CNTN5: variants seen among roughly 807,000 people sequenced by gnomAD.
CNTN5 encodes contactin-5.
In CNTN5, 77 loss-of-function variants were observed where a neutral mutation model predicts 129.1. The ratio of observed to expected loss-of-function variants is 0.60; its 90% CI spans 0.50 to 0.72. The LOEUF is 0.72. Ranked by LOEUF, CNTN5 falls within the 30% of genes least tolerant of loss-of-function variation. The pLI is 0.00. For missense variants in CNTN5, 1,478 were observed against 1,328.8 expected (o/e 1.11, Z -1.75); for synonymous variants, 509 against 465.6 (o/e 1.09, Z -1.20).
rs187114644 is a variant in CNTN5 at position 99,442,272 on chromosome 11, C to T, written c.-70-113873C>T. Among the ~76,000 whole-genome samples the T allele has an allele frequency of 1.4e-3, 220 of 152,202 alleles. 1 individual carries two copies. The highest frequency in any genetic ancestry group is 4.0e-3 in the African/African-American group (166 of 41,534). On this transcript the variant is annotated intron_variant, in intron 2 of 24. Transcript: ENST00000524871. Reference sequence around the variant, plus strand: ...GCAACCTCCACCTCCCGGGTTCTAGCGATTCTCCCTCCTCAGACTCCCGAG... The same window carrying T: ...GCAACCTCCACCTCCCGGGTTCTAGTGATTCTCCCTCCTCAGACTCCCGAG...
At chr11:99,277,297 T>C (rs1007098902) in intron 1 of CNTN5, among the ~76,000 whole-genome samples, 2 of 151,742 alleles carry the variant, frequency 1.3e-5, no homozygotes, top group African/African-American at 4.8e-5. Context: ...CCTCTTTATG[T>C]ACTGCTCCCC....
chr11:99,531,596 G>A (rs564123470), intron 2 of CNTN5, among the ~76,000 whole-genome samples: 1 of 152,282 alleles, frequency 6.6e-6, no homozygotes, highest in African/African-American at 2.4e-5. Context: ...GGAGGAAAAC[G>A]TGGTTTCACG....
At chr11:100,193,193 T>C (rs1025010185) in intron 14 of CNTN5, among the ~76,000 whole-genome samples, 13 of 151,952 alleles carry the variant, frequency 8.6e-5, no homozygotes, top group Non-Finnish European at 1.6e-4. Flanking sequence ...TTTTTTCTAA[T>C]GTTCCTCCTT....
At chr11:100,333,297 T>C (rs185042624) in intron 21 of CNTN5, among the ~76,000 whole-genome samples, 271 of 150,388 alleles carry the variant, frequency 1.8e-3, no homozygotes, top group Non-Finnish European at 2.8e-3. Flanking sequence ...AAACACATCA[T>C]GCTCATGGAT....
At chr11:99,302,528 C>G (rs1331721438) in intron 1 of CNTN5, among the ~76,000 whole-genome samples, 4 of 151,688 alleles carry the variant, frequency 2.6e-5, no homozygotes, top group Non-Finnish European at 4.4e-5. Context: ...ATACATAATA[C>G]ATATGCATAT....
intron 13 of CNTN5, among the ~76,000 whole-genome samples, chr11:100,165,711 C>G (rs1947611046): frequency 6.6e-6 from 1 of 151,674 alleles, no homozygotes; most frequent in African/African-American, 2.4e-5. Flanking sequence ...AGGTCTCATG[C>G]AATTTTAAGA....
At chr11:99,191,480 C>T (rs1369910486) in intron 1 of CNTN5, among the ~76,000 whole-genome samples, 4 of 151,710 alleles carry the variant, frequency 2.6e-5, no homozygotes, top group African/African-American at 9.7e-5. Context: ...GTGGAATTAG[C>T]AGACATACAC....
intron 3 of CNTN5, among the ~76,000 whole-genome samples, chr11:99,762,104 A>C (rs1425844938): frequency 1.1e-5 from 1 of 87,892 alleles, no homozygotes; most frequent in Non-Finnish European, 2.5e-5. Context: ...CCACTTTTTG[A>C]TGGGGTTGTT....
chr11:100,093,449 T>C (rs1197166544), intron 13 of CNTN5, among the ~76,000 whole-genome samples: 1 of 151,788 alleles, frequency 6.6e-6, no homozygotes, highest in Non-Finnish European at 1.5e-5. Flanking sequence ...TTTTTTTTTA[T>C]ACAGATGAGG....
intron 3 of CNTN5, among the ~76,000 whole-genome samples, chr11:99,695,419 C>A (rs927588191): frequency 6.6e-6 from 1 of 152,038 alleles, no homozygotes; most frequent in Admixed American, 6.6e-5. Flanking sequence ...GTGTTGCCTG[C>A]AAAAGGCTAA....
At chr11:99,590,677 T>A (rs1348806001) in intron 3 of CNTN5, among the ~76,000 whole-genome samples, 1 of 152,136 alleles carries the variant, frequency 6.6e-6, no homozygotes, top group Non-Finnish European at 1.5e-5. Flanking sequence ...ATGCAAAGGC[T>A]ATGGCAGGAA....
rs571897874 is a variant in CNTN5, at chr11:99,263,079, A to G, written c.-209-62267A>G. ...AAGAATTAAGTCAGCAAAAAGTCCTATTGTCTTAAGAAGTCCTCTGAAAAC... is the reference window on the plus strand; with the variant it reads ...AAGAATTAAGTCAGCAAAAAGTCCTGTTGTCTTAAGAAGTCCTCTGAAAAC... On this transcript the variant is annotated intron_variant, in intron 1 of 24. Transcript: ENST00000524871. 5.3e-5 allele frequency among the ~76,000 whole-genome samples: 8 copies of G among 152,202 alleles called. No individual in the cohort carries two copies. The South Asian group carries it at 1.7e-3, about 32-fold the overall frequency.
intron 17 of CNTN5, among the ~76,000 whole-genome samples, chr11:100,270,007 A>G (rs898633463): frequency 4.0e-5 from 6 of 151,876 alleles, no homozygotes; most frequent in Non-Finnish European, 7.4e-5. Context: ...CACCTCTTAG[A>G]CTCCAAGCGT....
intron 1 of CNTN5, among the ~76,000 whole-genome samples, chr11:99,042,749 A>G (rs1002764083): frequency 5.3e-5 from 8 of 152,196 alleles, no homozygotes; most frequent in Non-Finnish European, 1.0e-4. Flanking sequence ...CCTGGAATTC[A>G]GTGGGCACTC....
intron 3 of CNTN5, among the ~76,000 whole-genome samples, chr11:99,614,342 A>G (rs1950690888): frequency 6.6e-6 from 1 of 152,224 alleles, no homozygotes; most frequent in African/African-American, 2.4e-5. Context: ...GTAAAGGGAA[A>G]AATAAACATG....
At chr11:100,203,807 C>CACACACACACAA (rs1948844500) in intron 15 of CNTN5, among the ~76,000 whole-genome samples, 1 of 151,208 alleles carries the variant, frequency 6.6e-6, no homozygotes, top group African/African-American at 2.4e-5. Context: ...CGTACACACA[C>CACACACACACAA]ACACACACAC....
At chr11:99,728,388 A>G (rs901110616) in intron 3 of CNTN5, among the ~76,000 whole-genome samples, 4 of 152,192 alleles carry the variant, frequency 2.6e-5, no homozygotes, top group Non-Finnish European at 5.9e-5. Context: ...CAAATATACT[A>G]TATTCTGAGA....
intron 2 of CNTN5, among the ~76,000 whole-genome samples, chr11:99,469,217 A>G (rs1945073385): frequency 6.6e-6 from 1 of 152,128 alleles, no homozygotes; most frequent in African/African-American, 2.4e-5. Flanking sequence ...TGTTCAAAAT[A>G]GCGAATTTCT....
intron 8 of CNTN5, among the ~76,000 whole-genome samples, chr11:99,971,967 C>T (rs1000265353): frequency 4.7e-5 from 7 of 147,800 alleles, no homozygotes; most frequent in Admixed American, 6.7e-5. Flanking sequence ...ACAAAAAAAA[C>T]GGGTGGGAGC....
Sources: gnomAD v4.1 joint callset for allele counts (sites outside exome capture counted in the v4.1 genomes callset) on GRCh38, gnomAD v4.1.1 for gene constraint, MANE v1.5 for transcripts, NCBI Gene and HGNC (gene_info 2026-07-23, HGNC 2026-07-21) for gene names.